The following MORC1 variants were observed in gnomAD, a reference collection of about 807,000 sequenced individuals.
MORC1 encodes MORC family CW-type zinc finger 1, also known as MORC family CW-type zinc finger protein 1.
A neutral mutation model predicts 134.9 loss-of-function variants in MORC1; 59 were observed. The observed-to-expected ratio is 0.44, with a 90% CI of 0.35 to 0.54. The LOEUF (loss-of-function observed/expected upper bound fraction) is 0.54. Ranked by LOEUF, MORC1 falls within the 20% of genes least tolerant of loss-of-function variation. The probability of loss-of-function intolerance (pLI) is 0.00; values close to 1 mark genes in which losing one functional copy is unlikely to be tolerated. For missense variants in MORC1, 947 were observed against 1,134.5 expected, an observed-to-expected ratio of 0.83 and a Z score of 2.37; for synonymous variants, 395 against 391.7, an observed-to-expected ratio of 1.01 and a Z score of -0.10.
chr3:108,996,234 C>T lies in MORC1; in HGVS notation c.2187+4323G>A, dbSNP rs143036561. ...GCCACACAGAAAGAGAAAAGCCTGA[C>T]GCTACCACAATACACATGCCTGTGC... On this transcript the variant is annotated intron_variant, in intron 21 of 27. Transcript: ENST00000232603. Among the ~76,000 whole-genome samples, 297 of 146,136 alleles carry T rather than the reference C, an allele frequency of 2.0e-3. 2 individuals carry two copies. Among genetic ancestry groups the T allele is most frequent in the African/African-American group, 6.3e-3 (250 of 40,000 alleles).
intron 20 of MORC1, among the ~76,000 whole-genome samples, chr3:109,003,338 T>C (rs1341120234): frequency 6.6e-6 from 1 of 151,702 alleles, no homozygotes; most frequent in East Asian, 1.9e-4. Context: ...TATATATATC[T>C]ACATGAAGTG....
intron 2 of MORC1, among the ~76,000 whole-genome samples, chr3:109,113,950 T>G (rs1951221866): frequency 6.6e-6 from 1 of 152,042 alleles, no homozygotes. Flanking sequence ...TAAGGATGCA[T>G]GACATAATGC....
In MORC1 at chr3:108,958,810, G is replaced by A; in HGVS notation, c.*155C>T. 1 of 413,036 alleles carries A rather than the reference G, an allele frequency of 2.4e-6. No individual in the cohort carries two copies. Among genetic ancestry groups the A allele is most frequent in the Non-Finnish European group, 4.2e-6 (1 of 238,370 alleles). The allele number at this position is 413,036 out of a possible 1,614,324, so 25.6% of individuals were successfully genotyped here. A position where few individuals can be genotyped will look rare whatever the true frequency, so the allele number is the denominator to read the frequency against. On this transcript the variant is annotated 3_prime_UTR_variant, in exon 28 of 28. Coordinates refer to ENST00000232603, the MANE Select transcript of MORC1 (RefSeq NM_014429.4). Reference sequence around the variant, plus strand: ...AATTGTAAATCGGTCTCCATTTCTAGAGTACACAATTTTCTTATTTGAAAA... The same window carrying A: ...AATTGTAAATCGGTCTCCATTTCTAAAGTACACAATTTTCTTATTTGAAAA...
chr3:108,962,945 T>C (rs980328697), intron 27 of MORC1, among the ~76,000 whole-genome samples: 1 of 152,088 alleles, frequency 6.6e-6, no homozygotes, highest in African/African-American at 2.4e-5. Flanking sequence ...TTTCGCTGTC[T>C]GAAAAAACTG....
At chr3:109,040,222 G>C (rs527949972) in intron 14 of MORC1, among the ~76,000 whole-genome samples, 1 of 151,566 alleles carries the variant, frequency 6.6e-6, no homozygotes, top group South Asian at 2.1e-4. Context: ...CAAGTCATAC[G>C]TAGAAACAGG....
At position 109,020,695 on chromosome 3, in the gene MORC1, G is replaced by A. The variant is rs185209318; in HGVS notation, c.1704+7056C>T. On this transcript the variant is annotated intron_variant, in intron 17 of 27. Coordinates refer to ENST00000232603, the MANE Select transcript of MORC1 (RefSeq NM_014429.4). ...GCAGGAGAATGGTGTGAACCCGGGG[G>A]CAGAGCTTGCAGTGAGCCGAGTTTG... 1.5e-4 allele frequency among the ~76,000 whole-genome samples: 23 copies of A among 150,110 alleles called. No individual in the cohort carries two copies. The East Asian group carries it at 4.3e-3, about 28-fold the overall frequency.
chr3:109,063,026 A>G, intron 10 of MORC1, 126 bp downstream of exon 10: 1 of 600,538 alleles, frequency 1.7e-6, no homozygotes, highest in Non-Finnish European at 2.8e-6. Context: ...AGAGACAGAA[A>G]CTACATTTAA....
chr3:109,082,843 G>A (rs535651789), intron 8 of MORC1, among the ~76,000 whole-genome samples: 1 of 152,180 alleles, frequency 6.6e-6, no homozygotes, highest in African/African-American at 2.4e-5. Context: ...TAAAGCAAGA[G>A]CAAGGGTTAG....
intron 3 of MORC1, among the ~76,000 whole-genome samples, chr3:109,109,418 T>C (rs1951114271): frequency 6.6e-6 from 1 of 152,170 alleles, no homozygotes; most frequent in Admixed American, 6.5e-5. Context: ...AACTAGCCTA[T>C]CTCCATTTGT....
At chr3:109,058,669 G>C (rs1321328132) in intron 12 of MORC1, among the ~76,000 whole-genome samples, 2 of 151,644 alleles carry the variant, frequency 1.3e-5, no homozygotes, top group Non-Finnish European at 2.9e-5. Flanking sequence ...AAATATATAG[G>C]AATCAAACTT....
chr3:109,053,275 T>C (rs1282750843), intron 14 of MORC1, among the ~76,000 whole-genome samples: 1 of 152,272 alleles, frequency 6.6e-6, no homozygotes, highest in Admixed American at 6.5e-5. Flanking sequence ...ACTGGGTATA[T>C]ACTCAAAGGA....
Position 108,963,316 on chromosome 3 carries a change from T to C in MORC1, c.2799+98A>G, listed in dbSNP as rs1428809911. ...AGTAAGGGCTGACTTAAGTGACTTG[T>C]CCAGGTCAGTAAGTGAATGACAATG... On this transcript the variant is annotated intron_variant, in intron 27 of 27. Transcript: ENST00000232603. The C allele has an allele frequency of 8.0e-6, 8 of 1,004,082 alleles. No homozygotes were observed. In the African/African-American group the frequency reaches 9.8e-5, roughly 12 times the overall value. 62.2% of individuals were successfully genotyped at this position (1,004,082 alleles called of 1,614,324 possible). A position where few individuals can be genotyped will look rare whatever the true frequency, so the allele number is the denominator to read the frequency against.
In MORC1 at chr3:108,986,989, T is replaced by C. The variant is rs776883818; in HGVS notation, c.2188-40A>G. On this transcript the variant is annotated intron_variant, in intron 21 of 27. Transcript: ENST00000232603. ...CTTTATTTAAAACTGTACAAAAACATAGGACATATTATAAACTTGACAAAA... is the reference window on the plus strand; with the variant it reads ...CTTTATTTAAAACTGTACAAAAACACAGGACATATTATAAACTTGACAAAA... 37 of 1,443,138 alleles carry C rather than the reference T, an allele frequency of 2.6e-5. No homozygotes were observed. The South Asian group carries it at 4.3e-4, about 17-fold the overall frequency. 89.4% of individuals were successfully genotyped at this position (1,443,138 alleles called of 1,614,324 possible).
chr3:108,980,793 A>G (rs1454059100), intron 23 of MORC1, among the ~76,000 whole-genome samples: 1 of 152,228 alleles, frequency 6.6e-6, no homozygotes, highest in Non-Finnish European at 1.5e-5. Context: ...AGTTGAGAGA[A>G]ATACTTAGTC....
At chr3:109,097,382 G>T (rs1950848829) in intron 6 of MORC1, among the ~76,000 whole-genome samples, 1 of 152,200 alleles carries the variant, frequency 6.6e-6, no homozygotes, top group Non-Finnish European at 1.5e-5. Context: ...ACCTTTTAAT[G>T]CATGTGAGGT....
chr3:109,088,860 A>C (rs1950664100), intron 8 of MORC1, among the ~76,000 whole-genome samples: 1 of 152,182 alleles, frequency 6.6e-6, no homozygotes, highest in Non-Finnish European at 1.5e-5. Flanking sequence ...TGTGGTACAT[A>C]TACCATGGAA....
chr3:109,018,063 T>C (rs1473003445), intron 17 of MORC1, among the ~76,000 whole-genome samples: 1 of 152,174 alleles, frequency 6.6e-6, no homozygotes, highest in East Asian at 1.9e-4. Context: ...CAAGAGATTC[T>C]TGTTTAGTCC....
At chr3:109,046,304 CTG>C (rs1019037421) in intron 14 of MORC1, among the ~76,000 whole-genome samples, 6 of 152,184 alleles carry the variant, frequency 3.9e-5, no homozygotes. Context: ...AAAAACAACA[CTG>C]GGGAAAATTA....
chr3:109,057,518 G>A (rs1270182836), intron 12 of MORC1, 32 bp from the exon 13 acceptor site: 9 of 1,538,390 alleles, frequency 5.9e-6, no homozygotes, highest in Non-Finnish European at 7.9e-6. Flanking sequence ...TTAAAAAGTT[G>A]TTTATTAAAT....
Sources: allele counts gnomAD v4.1 joint callset (sites outside exome capture counted in the v4.1 genomes callset), GRCh38; gene constraint gnomAD v4.1.1; transcripts MANE v1.5; gene names NCBI Gene and HGNC (gene_info 2026-07-23, HGNC 2026-07-21).